Variants in MUC5B observed in about 807,000 individuals in gnomAD.
MUC5B encodes mucin-5B.
Under a neutral mutation model 376.9 loss-of-function variants are expected in MUC5B, and 116 were observed. That is an observed-to-expected ratio of 0.31 (90% CI 0.26 to 0.36). The LOEUF is 0.36. MUC5B is among the 10% of genes least tolerant of loss of function. MUC5B has a pLI of 1.00. For synonymous variants in MUC5B, 3,517 were observed against 3,390.9 expected (o/e 1.04, Z -1.29); for missense variants, 7,165 against 7,769.9 (o/e 0.92, Z 2.93).
In MUC5B at chr11:1,246,504, C is replaced by T. The variant is rs1717567482; in HGVS notation, c.9624C>T (p.Ser3208=). The change falls in exon 31 of 49, where the codon TCC becomes TCT. Residue 3208 remains serine, a synonymous_variant. Transcript: ENST00000529681. ...STATTPTVIS[S]RATPSSSPGT... is the part of the protein sequence containing the mutation. ...CCACCACACCCACAGTCATCAGCTC[C>T]AGAGCCACTCCCTCCTCCAGTCCAG... The T allele has an allele frequency of 6.2e-7, 1 of 1,613,180 alleles. No individual in the cohort carries two copies.
rs929113995 is a variant in MUC5B, at chr11:1,235,160, C to T, written c.2706C>T (p.His902=). The T allele has an allele frequency of 1.9e-6, 3 of 1,613,094 alleles. No homozygotes were observed. The highest frequency in any genetic ancestry group is 2.5e-6 in the Non-Finnish European group (3 of 1,179,730). Reference sequence around the variant, plus strand: ...CCTGCGTGGCCTACGGGGATGGCCACTTCATCACCTTTGATGGCGATCGCT... The same window carrying T: ...CCTGCGTGGCCTACGGGGATGGCCATTTCATCACCTTTGATGGCGATCGCT... The part of the protein sequence containing the change: ...LGTCVAYGDG[H]FITFDGDRYS... The change falls in exon 22 of 49, where the codon CAC becomes CAT. Residue 902 remains histidine, a synonymous_variant. Transcript: ENST00000529681.
At position 1,234,538 on chromosome 11, in the gene MUC5B, C is replaced by T. The variant is rs1355855405; in HGVS notation, c.2488C>T (p.His830Tyr). The part of the protein sequence containing the change: ...HTLDVGCFST[H>Y]CVSGCVCPPG... ...TGCCTGGGCCCCACAGTTCAGCACACACTGCGTGTCCGGCTGTGTCTGTCC... is the reference window on the plus strand; with the variant it reads ...TGCCTGGGCCCCACAGTTCAGCACATACTGCGTGTCCGGCTGTGTCTGTCC... Residue 830 changes from histidine to tyrosine, a missense_variant, in exon 21 of 49, where the codon CAC becomes TAC. Physicochemically the swap from His to Tyr is moderately conservative, Grantham distance 83. Transcript: ENST00000529681. The surrounding 1 kb of genome is among the most constrained non-coding windows in gnomAD (Gnocchi z 6.3). 6.3e-7 allele frequency: 1 copy of T among 1,581,044 alleles called. No homozygotes were observed. Among genetic ancestry groups the T allele is most frequent in the Middle Eastern group, 1.7e-4 (1 of 6,016 alleles).
chr11:1,244,707 G>C lies in MUC5B; in HGVS notation c.7827G>C (p.Leu2609=). 3.7e-6 allele frequency: 6 copies of C among 1,611,820 alleles called. No individual in the cohort carries two copies. Among genetic ancestry groups the C allele is most frequent in the Non-Finnish European group, 5.1e-6 (6 of 1,178,778 alleles). ...TPGTAHTTKV[L]TTTTTGFTAT... is the part of the protein sequence containing the mutation. ...GAACAGCTCACACTACCAAAGTGCT[G>C]ACTACCACAACCACGGGCTTCACAG... Residue 2609 remains leucine (L), a synonymous_variant, in exon 31 of 49, where the codon CTG becomes CTC. Coordinates refer to ENST00000529681, the MANE Select transcript of MUC5B (RefSeq NM_002458.3).
intron 48 of MUC5B, 144 bp from the exon 49 acceptor site, chr11:1,261,245 C>T: frequency 4.4e-6 from 3 of 689,594 alleles, no homozygotes; most frequent in Non-Finnish European, 2.4e-6. Context: ...AAGGTGAAGC[C>T]TCACGTGCCC....
rs1286867391 is a variant in MUC5B, at chr11:1,234,424, C to T, written c.2479-105C>T. On this transcript the variant is annotated intron_variant, in intron 20 of 48. Coordinates refer to ENST00000529681, the MANE Select transcript of MUC5B (RefSeq NM_002458.3). The surrounding 1 kb of genome is among the most constrained non-coding windows in gnomAD (Gnocchi z 6.3). The stretch of plus-strand genomic sequence containing the variant: ...ACCCACCTGGAAGCTCCGCCCTGGC[C>T]CATGCGTTGCCCTGGGTGCTGCTGG... 1 of 1,501,668 alleles carries T rather than the reference C, an allele frequency of 6.7e-7. No homozygotes were observed. Among genetic ancestry groups the T allele is most frequent in the Admixed American group, 2.0e-5 (1 of 50,018 alleles). 93.0% of individuals were successfully genotyped at this position (1,501,668 alleles called of 1,614,324 possible).
Position 1,257,589 on chromosome 11 carries a change from G to A in MUC5B, c.16329G>A (p.Ser5443=), listed in dbSNP as rs375303004. Residue 5443 remains serine (S), a synonymous_variant, in exon 41 of 49, where the codon TCG becomes TCA. Coordinates refer to ENST00000529681, the MANE Select transcript of MUC5B (RefSeq NM_002458.3). The surrounding 1 kb of genome is among the most constrained non-coding windows in gnomAD (Gnocchi z 8.9). ...QSCVCDEGSV[S]VQCKPLPCDA... ...GCGTGTGTGACGAGGGTTCAGTGTC[G>A]GTGCAGTGCAAGCCCCTGCCCTGTG... 77 of 1,606,490 alleles carry A rather than the reference G, an allele frequency of 4.8e-5. 1 individual carries two copies. The highest frequency in any genetic ancestry group is 2.7e-4 in the Admixed American group (16 of 60,002).
rs780193759 is a variant in MUC5B at position 1,254,742 on chromosome 11, G to A, written c.15526G>A (p.Val5176Met). The stretch of plus-strand genomic sequence containing the variant: ...GAGCAGCGGTTTCAGCAAGAACGGC[G>A]TGCTTGTGTCTGTGCTGGGGACCAC... ...PVSSGFSKNG[V>M]LVSVLGTTTM... The change falls in exon 35 of 49, where the codon GTG (valine) becomes ATG (methionine). Residue 5176 changes from valine to methionine, a missense_variant. Physicochemically the swap from Val to Met is conservative, Grantham distance 21. Transcript: ENST00000529681. 1.4e-5 allele frequency: 22 copies of A among 1,612,774 alleles called. No homozygotes were observed. Among genetic ancestry groups the A allele is most frequent in the South Asian group, 2.2e-5 (2 of 91,078 alleles).
In MUC5B at chr11:1,241,277, C is replaced by A. The variant is rs764361380; in HGVS notation, c.4397C>A (p.Thr1466Asn). The change falls in exon 31 of 49, where the codon ACC becomes AAC. Residue 1466 changes from threonine (T) to asparagine (N), a missense_variant. Physicochemically the swap from Thr to Asn is moderately conservative, Grantham distance 65. Coordinates refer to ENST00000529681, the MANE Select transcript of MUC5B (RefSeq NM_002458.3). ...TPTQTTATEK[T>N]TLWVTPSIRS... is the part of the protein sequence containing the mutation. ...ACCCAGACCACAGCAACCGAAAAGA[C>A]CACCCTATGGGTGACCCCGAGCATC... The A allele has an allele frequency of 1.9e-6, 3 of 1,596,654 alleles. No homozygotes were observed. The highest frequency in any genetic ancestry group is 1.8e-5 in the Admixed American group (1 of 57,070).
In MUC5B at chr11:1,251,666, T is replaced by G; in HGVS notation, c.14786T>G (p.Leu4929Arg). 1 of 1,613,058 alleles carries G rather than the reference T, an allele frequency of 6.2e-7. No homozygotes were observed. The highest frequency in any genetic ancestry group is 8.5e-7 in the Non-Finnish European group (1 of 1,179,774). ...GTGTCCTCCTCAGTCCTCACCACCC[T>G]GAGACCCACTGGCTTCCCCAGCTCC... The part of the protein sequence containing the change: ...STVSSSVLTT[L>R]RPTGFPSSHF... The change falls in exon 31 of 49, where the codon CTG becomes CGG. Residue 4929 changes from leucine (L) to arginine (R), a missense_variant. By Grantham distance (102) the Leu-to-Arg change is moderately radical. Transcript: ENST00000529681.
chr11:1,231,401 C>T (rs1862025058), intron 13 of MUC5B, 22 bp from the exon 14 acceptor site: 1 of 1,598,142 alleles, frequency 6.3e-7, no homozygotes, highest in Admixed American at 1.7e-5. Flanking sequence ...CCTGACCGGC[C>T]TCTCCCCCAC....
rs1862125959 is a variant in MUC5B at position 1,235,103 on chromosome 11, G to A, written c.2649G>A (p.Arg883=). ...DCNTCTCRNR[R]WECSHRLCLG... ...CTTGCAGCACCTGCAGGAACCGGAG[G>A]TGGGAGTGCAGCCACCGGCTCTGCC... is the stretch of plus-strand genomic sequence containing the variant. Residue 883 remains arginine (R), a synonymous_variant, in exon 22 of 49, where the codon AGG becomes AGA. Coordinates refer to ENST00000529681, the MANE Select transcript of MUC5B (RefSeq NM_002458.3). 4 of 1,611,802 alleles carry A rather than the reference G, an allele frequency of 2.5e-6. No homozygotes were observed. Among genetic ancestry groups the A allele is most frequent in the Non-Finnish European group, 3.4e-6 (4 of 1,179,278 alleles).
Position 1,227,747 on chromosome 11 carries a change from C to T in MUC5B, c.740C>T (p.Pro247Leu), listed in dbSNP as rs777377205. Residue 247 changes from proline to leucine, a missense_variant, in exon 7 of 49, where the codon CCG becomes CTG. Pro to Leu is a moderately conservative substitution (Grantham distance 98). Coordinates refer to ENST00000529681, the MANE Select transcript of MUC5B (RefSeq NM_002458.3). ...LDGPTEQCPDPLPLPAGNCTD... is the reference protein window; with the variant it reads ...LDGPTEQCPDLLPLPAGNCTD... ...GGGCCCACGGAGCAGTGCCCGGACC[C>T]GCTGCCCTTGCCGGCCGGCAACTGC... The T allele has an allele frequency of 4.6e-5, 33 of 720,106 alleles. No homozygotes were observed. The East Asian group carries it at 5.3e-4, about 12-fold the overall frequency. The allele number at this position is 720,106 out of a possible 1,614,324, so 44.6% of individuals were successfully genotyped here. A position where few individuals can be genotyped will look rare whatever the true frequency, so the allele number is the denominator to read the frequency against.
chr11:1,226,967 G>A, intron 4 of MUC5B, 64 bp from the exon 5 acceptor site: 1 of 1,518,284 alleles, frequency 6.6e-7, no homozygotes, highest in South Asian at 1.2e-5. Context: ...AGGGCTGGGG[G>A]GGGGTTGGGT....
At position 1,248,258 on chromosome 11, in the gene MUC5B, G is replaced by C; in HGVS notation, c.11378G>C (p.Ser3793Thr). ...RSTATTPTAT[S>T]FTAIPSSSLG... is the part of the protein sequence containing the mutation. ...ACAGCCACCACACCCACAGCTACCA[G>C]CTTTACAGCCATCCCCTCCTCCTCC... The change falls in exon 31 of 49, where the codon AGC (serine) becomes ACC (threonine). Residue 3793 changes from serine to threonine, a missense_variant. Around this residue, in one of 31 missense-constraint regions of MUC5B, gnomAD observed 72 missense variants for 127.8 expected, o/e 0.56. Coordinates refer to ENST00000529681, the MANE Select transcript of MUC5B (RefSeq NM_002458.3). 2 of 1,593,830 alleles carry C rather than the reference G, an allele frequency of 1.3e-6. No individual in the cohort carries two copies. The highest frequency in any genetic ancestry group is 1.4e-5 in the African/African-American group (1 of 73,156).
Position 1,247,955 on chromosome 11 carries a change from T to C in MUC5B, c.11075T>C (p.Ile3692Thr), listed in dbSNP as rs1862542681. Reference protein sequence around the residue: ...TPSSTPGTTWILTKLTTTATT... With the variant: ...TPSSTPGTTWTLTKLTTTATT... ...TCCTCAACTCCGGGGACGACCTGGATCCTCACAAAGCTGACCACAACAGCC... is the reference window on the plus strand; with the variant it reads ...TCCTCAACTCCGGGGACGACCTGGACCCTCACAAAGCTGACCACAACAGCC... Residue 3692 changes from isoleucine (I) to threonine (T), a missense_variant, in exon 31 of 49, where the codon ATC (isoleucine) becomes ACC (threonine). Physicochemically the swap from Ile to Thr is moderately conservative, Grantham distance 89. This residue lies in a region of MUC5B where 90 missense variants were observed against 71.1 expected (regional missense o/e 1.27). Transcript: ENST00000529681. 6.2e-7 allele frequency: 1 copy of C among 1,610,270 alleles called. No individual in the cohort carries two copies. Among genetic ancestry groups the C allele is most frequent in the Non-Finnish European group, 8.5e-7 (1 of 1,177,850 alleles).
At position 1,225,661 on chromosome 11, in the gene MUC5B, C is replaced by A; in HGVS notation, c.71-20C>A. On this transcript the variant is annotated intron_variant, in intron 1 of 48. Coordinates refer to ENST00000529681, the MANE Select transcript of MUC5B (RefSeq NM_002458.3). The stretch of plus-strand genomic sequence containing the variant: ...AGCCACATCTAGTTCCTCACTGACT[C>A]CCATTCCCTCTTCCCACAGAGACCC... The A allele has an allele frequency of 6.3e-7, 1 of 1,588,322 alleles. No homozygotes were observed. Among genetic ancestry groups the A allele is most frequent in the Non-Finnish European group, 8.6e-7 (1 of 1,167,728 alleles).
rs2133847316 is a variant in MUC5B at position 1,253,058 on chromosome 11, G to C, written c.15217+78G>C. The C allele has an allele frequency of 6.5e-7, 1 of 1,530,084 alleles. No individual in the cohort carries two copies. The highest frequency in any genetic ancestry group is 8.9e-7 in the Non-Finnish European group (1 of 1,121,530). The allele number at this position is 1,530,084 out of a possible 1,614,324, so 94.8% of individuals were successfully genotyped here. Reference sequence around the variant, plus strand: ...CACCGTCGGCTAGGCTGGCAGAATGGGGCATGGTGGGGCACAGTGGGGTGC... The same window carrying C: ...CACCGTCGGCTAGGCTGGCAGAATGCGGCATGGTGGGGCACAGTGGGGTGC... On this transcript the variant is annotated intron_variant, in intron 33 of 48. Coordinates refer to ENST00000529681, the MANE Select transcript of MUC5B (RefSeq NM_002458.3). The surrounding 1 kb of genome is among the most constrained non-coding windows in gnomAD (Gnocchi z 4.3).
In MUC5B at chr11:1,246,679, C is replaced by T. The variant is rs373024671; in HGVS notation, c.9799C>T (p.Pro3267Ser). The T allele has an allele frequency of 3.6e-5, 58 of 1,609,938 alleles. No individual in the cohort carries two copies. The African/African-American group carries it at 7.2e-4, about 20-fold the overall frequency. ...TPTATMSTAT[P>S]SSTPETVHTS... ...CACGGCCACCATGTCCACAGCCACA[C>T]CCTCCTCTACTCCAGAGACTGTCCA... Residue 3267 changes from proline (P) to serine (S), a missense_variant, in exon 31 of 49, where the codon CCC becomes TCC. Coordinates refer to ENST00000529681, the MANE Select transcript of MUC5B (RefSeq NM_002458.3).
chr11:1,250,381 C>G lies in MUC5B; in HGVS notation c.13501C>G (p.Pro4501Ala). The change falls in exon 31 of 49, where the codon CCA becomes GCA. Residue 4501 changes from proline to alanine, a missense_variant. By Grantham distance (27) the Pro-to-Ala change is conservative. Coordinates refer to ENST00000529681, the MANE Select transcript of MUC5B (RefSeq NM_002458.3). ...CTCCAAAGCCACTCCCTCCTCCAGT[C>G]CAGGGACTGCAACTGCCCTTCCAGC... ...TSSKATPSSS[P>A]GTATALPALR... 1 of 1,613,484 alleles carries G rather than the reference C, an allele frequency of 6.2e-7. No homozygotes were observed. The highest frequency in any genetic ancestry group is 8.5e-7 in the Non-Finnish European group (1 of 1,179,672).
Sources: gnomAD v4.1 joint callset for allele counts on GRCh38, gnomAD v4.1.1 for gene constraint, gnomAD v4.1.1 regional missense constraint, Gnocchi (gnomAD v3.1) non-coding constraint, MANE v1.5 for transcripts, NCBI Gene and HGNC (gene_info 2026-07-23, HGNC 2026-07-21) for gene names.